The following SH3GLB1 variants were observed in gnomAD, a reference collection of about 807,000 sequenced individuals.
SH3GLB1 encodes the protein SH3 domain containing GRB2 like, endophilin B1.
A neutral mutation model predicts 42.0 loss-of-function variants in SH3GLB1; 17 were observed. The ratio of observed to expected loss-of-function variants is 0.40; its 90% CI spans 0.28 to 0.61. The LOEUF is 0.61. Ranked by LOEUF, SH3GLB1 falls within the 20% of genes least tolerant of loss-of-function variation. The pLI is 0.36. For synonymous variants in SH3GLB1, 132 were observed against 146.6 expected (o/e 0.90, Z 0.72); for missense variants, 355 against 426.3 (o/e 0.83, Z 1.47).
rs1458106954 is a variant in SH3GLB1, at chr1:86,715,795, A to T, written c.144A>T (p.Lys48Asn). ...CTCACTTAGAGAACCTCCTTAGCAAAGCTGAATGTACCAAAATATGGACAG... is the reference window on the plus strand; with the variant it reads ...CTCACTTAGAGAACCTCCTTAGCAATGCTGAATGTACCAAAATATGGACAG... ...LDAHLENLLS[K>N]AECTKIWTEK... Residue 48 changes from lysine (K) to asparagine (N), a missense_variant, in exon 2 of 9, where the codon AAA becomes AAT. Transcript: ENST00000370558. 1 of 1,612,666 alleles carries T rather than the reference A, an allele frequency of 6.2e-7. No individual in the cohort carries two copies. The highest frequency in any genetic ancestry group is 2.2e-5 in the East Asian group (1 of 44,814).
chr1:86,705,109 C>A (rs561960159), intron 1 of SH3GLB1, 138 bp downstream of exon 1: 2 of 549,678 alleles, frequency 3.6e-6, no homozygotes, highest in East Asian at 3.7e-5. Context: ...GAGATGGGCG[C>A]GGCCTGGTCC....
At chr1:86,714,222 A>G (rs1172894020) in intron 1 of SH3GLB1, among the ~76,000 whole-genome samples, 4 of 152,114 alleles carry the variant, frequency 2.6e-5, no homozygotes, top group Non-Finnish European at 5.9e-5. Flanking sequence ...TGAACATGTA[A>G]AAGTCTAGTA....
chr1:86,740,729 T>A (rs1219168012), intron 7 of SH3GLB1, among the ~76,000 whole-genome samples: 2 of 152,122 alleles, frequency 1.3e-5, no homozygotes, highest in African/African-American at 4.8e-5. Flanking sequence ...ATGAAGTCAC[T>A]AGAAGAGAAG....
intron 5 of SH3GLB1, among the ~76,000 whole-genome samples, chr1:86,728,651 A>G (rs1655335072): frequency 6.6e-6 from 1 of 152,222 alleles, no homozygotes; most frequent in African/African-American, 2.4e-5. Context: ...GAACTTTAAA[A>G]GAAATTGTAT....
At chr1:86,739,514 G>A (rs940179205) in intron 7 of SH3GLB1, among the ~76,000 whole-genome samples, 11 of 152,148 alleles carry the variant, frequency 7.2e-5, no homozygotes, top group African/African-American at 1.7e-4. Context: ...AACAGTAGGC[G>A]CAAAGTAATG....
At chr1:86,720,014 A>C (rs1261598872) in intron 3 of SH3GLB1, among the ~76,000 whole-genome samples, 3 of 151,604 alleles carry the variant, frequency 2.0e-5, no homozygotes, top group Non-Finnish European at 4.4e-5. Context: ...AAAAAAAAAA[A>C]AAACATAGTA....
chr1:86,742,780 C>G (rs531276795), intron 8 of SH3GLB1, among the ~76,000 whole-genome samples: 1 of 151,772 alleles, frequency 6.6e-6, no homozygotes, highest in African/African-American at 2.4e-5. Flanking sequence ...GGCAACATAG[C>G]GACACCTCAT....
intron 1 of SH3GLB1, among the ~76,000 whole-genome samples, chr1:86,713,212 T>TG (rs1654315548): frequency 6.6e-6 from 1 of 152,206 alleles, no homozygotes; most frequent in Non-Finnish European, 1.5e-5. Flanking sequence ...GGAGTGCAGC[T>TG]GGGACTACAG....
intron 3 of SH3GLB1, among the ~76,000 whole-genome samples, chr1:86,720,944 T>C (rs1280554068): frequency 2.0e-5 from 3 of 152,216 alleles, no homozygotes; most frequent in Non-Finnish European, 4.4e-5. Flanking sequence ...CTGTTAATTT[T>C]TAGAAAAATG....
At chr1:86,710,328 G>C (rs1185621890) in intron 1 of SH3GLB1, among the ~76,000 whole-genome samples, 1 of 150,988 alleles carries the variant, frequency 6.6e-6, no homozygotes. Flanking sequence ...GCAGTGGCAC[G>C]ATCTTGGCTC....
At chr1:86,714,437 G>A (rs970122007) in intron 1 of SH3GLB1, among the ~76,000 whole-genome samples, 1 of 152,142 alleles carries the variant, frequency 6.6e-6, no homozygotes, top group Non-Finnish European at 1.5e-5. Flanking sequence ...TAGGTCAGGG[G>A]CTGGCTATAG....
chr1:86,745,082 A>G lies in SH3GLB1; in HGVS notation c.*1847A>G, dbSNP rs140493017. ...CTTCAGATCGACTTAAACAGCAACT[A>G]TGAATTAGGTTTATGGGAAATGTAG... On this transcript the variant is annotated 3_prime_UTR_variant, in exon 9 of 9. Coordinates refer to ENST00000370558, the MANE Select transcript of SH3GLB1 (RefSeq NM_016009.5). 6.6e-6 allele frequency: 1 copy of G among 152,358 alleles called. No individual in the cohort carries two copies. The highest frequency in any genetic ancestry group is 2.4e-5 in the African/African-American group (1 of 41,582). The allele number at this position is 152,358 out of a possible 1,614,324, so 9.4% of individuals were successfully genotyped here. A position where few individuals can be genotyped will look rare whatever the true frequency, so the allele number is the denominator to read the frequency against.
intron 5 of SH3GLB1, among the ~76,000 whole-genome samples, chr1:86,731,218 T>A (rs947950807): frequency 2.0e-5 from 3 of 152,246 alleles, no homozygotes; most frequent in Non-Finnish European, 4.4e-5. Flanking sequence ...CATTTTTCAT[T>A]TACTTCTTAT....
intron 5 of SH3GLB1, among the ~76,000 whole-genome samples, chr1:86,726,398 ATAG>A (rs1216293548): frequency 1.3e-5 from 2 of 152,082 alleles, no homozygotes; most frequent in African/African-American, 4.8e-5. Context: ...CCTAAATATA[ATAG>A]TAGACCAATT....
intron 5 of SH3GLB1, chr1:86,728,389 A>G: frequency 6.8e-7 from 1 of 1,470,108 alleles, no homozygotes; most frequent in Middle Eastern, 1.7e-4. Context: ...TTTGTCTCTT[A>G]CTATGCACTT....
chr1:86,715,669 G>T, intron 1 of SH3GLB1, 55 bp from the exon 2 acceptor site: 3 of 1,521,328 alleles, frequency 2.0e-6, no homozygotes, highest in Non-Finnish European at 2.6e-6. Context: ...TATTGATATG[G>T]TTCCCTAAAA....
In SH3GLB1 at chr1:86,708,351, G is replaced by A. The variant is rs545063978; in HGVS notation, c.72+3380G>A. 2.1e-3 allele frequency among the ~76,000 whole-genome samples: 314 copies of A among 152,244 alleles called. 1 individual carries two copies. The highest frequency in any genetic ancestry group is 3.4e-3 in the Middle Eastern group (1 of 294). On this transcript the variant is annotated intron_variant, in intron 1 of 8. Coordinates refer to ENST00000370558, the MANE Select transcript of SH3GLB1 (RefSeq NM_016009.5). Reference sequence around the variant, plus strand: ...GAACAGTAGAGAGAGAAACATTCACGTTTATAAATAATAATTTTCATTCAA... The same window carrying A: ...GAACAGTAGAGAGAGAAACATTCACATTTATAAATAATAATTTTCATTCAA...
intron 5 of SH3GLB1, among the ~76,000 whole-genome samples, chr1:86,725,355 A>G (rs1182977264): frequency 6.6e-6 from 1 of 152,152 alleles, no homozygotes; most frequent in Non-Finnish European, 1.5e-5. Flanking sequence ...AAATTCTAGT[A>G]TATATTCCAG....
chr1:86,707,609 CTT>C (rs908762972), intron 1 of SH3GLB1, among the ~76,000 whole-genome samples: 1 of 149,048 alleles, frequency 6.7e-6, no homozygotes, highest in African/African-American at 2.5e-5. Flanking sequence ...TATGGATAAA[CTT>C]ATATCATATC....
Sources: allele counts gnomAD v4.1 joint callset (sites outside exome capture counted in the v4.1 genomes callset), GRCh38; gene constraint gnomAD v4.1.1; transcripts MANE v1.5; gene names NCBI Gene and HGNC (gene_info 2026-07-23, HGNC 2026-07-21).